Variants in GALNT18 observed in about 807,000 individuals in gnomAD.
The protein encoded by GALNT18 is polypeptide N-acetylgalactosaminyltransferase 18, also known as GalNAc-transferase 18.
In GALNT18, 44 loss-of-function variants were observed where a neutral mutation model predicts 69.5. The ratio of observed to expected loss-of-function variants is 0.63; its 90% CI spans 0.50 to 0.81. GALNT18 has a LOEUF of 0.81. Ranked by LOEUF, GALNT18 falls within the 40% of genes least tolerant of loss-of-function variation. The probability of loss-of-function intolerance (pLI) is 0.00; values close to 1 mark genes in which losing one functional copy is unlikely to be tolerated. For synonymous variants in GALNT18, 364 were observed against 318.2 expected, an observed-to-expected ratio of 1.14 and a Z score of -1.53; for missense variants, 715 against 810.0, an observed-to-expected ratio of 0.88 and a Z score of 1.42.
chr11:11,486,154 G>C (rs866499942), intron 1 of GALNT18, among the ~76,000 whole-genome samples: 2 of 152,300 alleles, frequency 1.3e-5, no homozygotes, highest in Middle Eastern at 3.4e-3. Flanking sequence ...TTTGAGGAGC[G>C]AGTAGGCCTG....
chr11:11,471,878 C>G (rs1270145785), intron 1 of GALNT18, among the ~76,000 whole-genome samples: 1 of 152,234 alleles, frequency 6.6e-6, no homozygotes, highest in East Asian at 1.9e-4. Context: ...AATCAAACAG[C>G]TTTGCAGCCT....
intron 9 of GALNT18, among the ~76,000 whole-genome samples, chr11:11,300,060 G>C (rs1226999306): frequency 6.6e-6 from 1 of 152,216 alleles, no homozygotes; most frequent in Non-Finnish European, 1.5e-5. Flanking sequence ...GGCAAATCTA[G>C]AACATTGGGA....
rs1860203072 is a variant in GALNT18 at position 11,621,876 on chromosome 11, G to A, written c.-283C>T. ...CTTCCTAGAGGGGTCACGGGTAGCC[G>A]GCAGCCGCGCGTCCAGATGTGTACG... On this transcript the variant is annotated 5_prime_UTR_variant, in exon 1 of 11. Coordinates refer to ENST00000227756, the MANE Select transcript of GALNT18 (RefSeq NM_198516.3). The surrounding 1 kb of genome is among the most constrained non-coding windows in gnomAD (Gnocchi z 9.3). 1 of 335,316 alleles carries A rather than the reference G, an allele frequency of 3.0e-6. No individual in the cohort carries two copies. The allele number at this position is 335,316 out of a possible 1,614,324, so 20.8% of individuals were successfully genotyped here.
intron 3 of GALNT18, among the ~76,000 whole-genome samples, chr11:11,414,714 G>C (rs372892571): frequency 6.6e-6 from 1 of 152,194 alleles, no homozygotes; most frequent in East Asian, 1.9e-4. Flanking sequence ...AGCAGGGACT[G>C]GGTCAATCTC....
chr11:11,284,839 T>TTG, intron 10 of GALNT18, among the ~76,000 whole-genome samples: 1 of 150,318 alleles, frequency 6.7e-6, no homozygotes, highest in Non-Finnish European at 1.5e-5. Flanking sequence ...AAGTCTTTTT[T>TTG]TGGTAGAGTT....
At chr11:11,321,975 G>C (rs1286531131) in intron 9 of GALNT18, among the ~76,000 whole-genome samples, 1 of 152,222 alleles carries the variant, frequency 6.6e-6, no homozygotes, top group Middle Eastern at 3.2e-3. Context: ...AGTCAGTCCA[G>C]GGTTGGTTGC....
In GALNT18 at chr11:11,432,544, G is replaced by T; in HGVS notation, c.595+77C>A. Reference sequence around the variant, plus strand: ...GCCACAGACAGCCTTGAGCAAATGTGAACCACGACGCTGAACCATCAGCTT... The same window carrying T: ...GCCACAGACAGCCTTGAGCAAATGTTAACCACGACGCTGAACCATCAGCTT... On this transcript the variant is annotated intron_variant, in intron 3 of 10. Coordinates refer to ENST00000227756, the MANE Select transcript of GALNT18 (RefSeq NM_198516.3). This position sits in a 1 kb window ranked among gnomAD's most constrained non-coding sequence, Gnocchi z 5.8. The T allele has an allele frequency of 1.4e-6, 2 of 1,437,058 alleles. No individual in the cohort carries two copies. Among genetic ancestry groups the T allele is most frequent in the South Asian group, 1.3e-5 (1 of 77,220 alleles). The allele number at this position is 1,437,058 out of a possible 1,614,324, so 89.0% of individuals were successfully genotyped here.
At chr11:11,519,434 G>A (rs1426255541) in intron 1 of GALNT18, among the ~76,000 whole-genome samples, 3 of 152,068 alleles carry the variant, frequency 2.0e-5, no homozygotes, top group Non-Finnish European at 2.9e-5. Context: ...ATGCCTCCAC[G>A]GCCACGCCCA....
At position 11,581,778 on chromosome 11, in the gene GALNT18, C is replaced by T. The variant is rs570340465; in HGVS notation, c.235+39581G>A. On this transcript the variant is annotated intron_variant, in intron 1 of 10. Transcript: ENST00000227756. Reference sequence around the variant, plus strand: ...TGCTGCATCTTTAGCAGGATAGAAGCAGCCAGGCAGGGAGAGGTTGTGCTT... The same window carrying T: ...TGCTGCATCTTTAGCAGGATAGAAGTAGCCAGGCAGGGAGAGGTTGTGCTT... 7.9e-5 allele frequency among the ~76,000 whole-genome samples: 12 copies of T among 152,256 alleles called. No homozygotes were observed. In the East Asian group the frequency reaches 2.1e-3, roughly 27 times the overall value.
At chr11:11,323,427 A>T (rs1414798266) in intron 9 of GALNT18, among the ~76,000 whole-genome samples, 1 of 152,238 alleles carries the variant, frequency 6.6e-6, no homozygotes, top group Non-Finnish European at 1.5e-5. Context: ...CAAGTTCAAA[A>T]TCTCAGCAAG....
At chr11:11,370,595 A>C (rs1850878397) in intron 6 of GALNT18, among the ~76,000 whole-genome samples, 2 of 152,126 alleles carry the variant, frequency 1.3e-5, no homozygotes, top group Non-Finnish European at 2.9e-5. Flanking sequence ...GAGGAAAAAA[A>C]AAAAAACCAG....
chr11:11,421,254 C>T lies in GALNT18; in HGVS notation c.595+11367G>A, dbSNP rs1854998629. 1.3e-5 allele frequency among the ~76,000 whole-genome samples: 2 copies of T among 152,230 alleles called. No homozygotes were observed. Among genetic ancestry groups the T allele is most frequent in the South Asian group, 2.1e-4 (1 of 4,822 alleles). On this transcript the variant is annotated intron_variant, in intron 3 of 10. Transcript: ENST00000227756. The surrounding 1 kb of genome is among the most constrained non-coding windows in gnomAD (Gnocchi z 5.6). Reference sequence around the variant, plus strand: ...GAGGCCGGTGAGAGCAGAGAAGAGGCTGGCAACATGCAGGACTAGAGCTGG... The same window carrying T: ...GAGGCCGGTGAGAGCAGAGAAGAGGTTGGCAACATGCAGGACTAGAGCTGG...
chr11:11,455,593 C>T (rs76826338), intron 1 of GALNT18, among the ~76,000 whole-genome samples: 1 of 152,316 alleles, frequency 6.6e-6, no homozygotes, highest in East Asian at 1.9e-4. Context: ...GGTGGCTGTA[C>T]AGATCGGAAA....
At chr11:11,367,172 T>G (rs2133089657) in intron 6 of GALNT18, among the ~76,000 whole-genome samples, 1 of 152,192 alleles carries the variant, frequency 6.6e-6, no homozygotes, top group East Asian at 1.9e-4. Context: ...TCAGATCTTG[T>G]GATGAGGCTT....
At position 11,604,454 on chromosome 11, in the gene GALNT18, C is replaced by T. The variant is rs190782127; in HGVS notation, c.235+16905G>A. Among the ~76,000 whole-genome samples the T allele has an allele frequency of 7.9e-5, 12 of 152,094 alleles. 1 individual carries two copies. The South Asian group carries it at 1.2e-3, about 16-fold the overall frequency. On this transcript the variant is annotated intron_variant, in intron 1 of 10. Coordinates refer to ENST00000227756, the MANE Select transcript of GALNT18 (RefSeq NM_198516.3). The surrounding 1 kb of genome is among the most constrained non-coding windows in gnomAD (Gnocchi z 5.6). ...AGTGGGGAAGGACAGGGTGGACAAG[C>T]GATCTACATCCAGCCCTAGACACCC...
chr11:11,327,248 T>G, intron 8 of GALNT18, 67 bp from the exon 9 acceptor site: 2 of 1,167,698 alleles, frequency 1.7e-6, no homozygotes, highest in Non-Finnish European at 1.3e-6. Flanking sequence ...GAATTAACTC[T>G]GGAGAAACAA....
rs1314433370 is a variant in GALNT18 at position 11,480,219 on chromosome 11, T to C, written c.236-31283A>G. Among the ~76,000 whole-genome samples, 1 of 152,028 alleles carries C rather than the reference T, an allele frequency of 6.6e-6. No homozygotes were observed. Among genetic ancestry groups the C allele is most frequent in the African/African-American group, 2.4e-5 (1 of 41,366 alleles). ...AAAATAAACTAAAAGAAGGGGTCAA[T>C]CTTTCTTTATTTCTTTCTTTCTTCC... On this transcript the variant is annotated intron_variant, in intron 1 of 10. Transcript: ENST00000227756. The surrounding 1 kb of genome is among the most constrained non-coding windows in gnomAD (Gnocchi z 4.6).
chr11:11,422,927 G>A (rs893780288), intron 3 of GALNT18, among the ~76,000 whole-genome samples: 2 of 152,188 alleles, frequency 1.3e-5, no homozygotes, highest in Non-Finnish European at 2.9e-5. Flanking sequence ...GATTTTGAAG[G>A]TGGCTCCAGG....
In GALNT18 at chr11:11,402,378, A is replaced by C. The variant is rs994606515; in HGVS notation, c.596-23114T>G. On this transcript the variant is annotated intron_variant, in intron 3 of 10. Transcript: ENST00000227756. This position sits in a 1 kb window ranked among gnomAD's most constrained non-coding sequence, Gnocchi z 4.0. ...CGTAGACATGTTTTAATCCATGATG[A>C]CAGCTTGTCTTCAATCATAAACTGC... is the stretch of plus-strand genomic sequence containing the variant. Among the ~76,000 whole-genome samples, 2 of 152,258 alleles carry C rather than the reference A, an allele frequency of 1.3e-5. No homozygotes were observed. Among genetic ancestry groups the C allele is most frequent in the South Asian group, 2.1e-4 (1 of 4,836 alleles).
Sources: gnomAD v4.1 joint callset for allele counts (sites outside exome capture counted in the v4.1 genomes callset) on GRCh38, gnomAD v4.1.1 for gene constraint, Gnocchi (gnomAD v3.1) non-coding constraint, MANE v1.5 for transcripts, NCBI Gene and HGNC (gene_info 2026-07-23, HGNC 2026-07-21) for gene names.